The following DCLK2 variants were observed in gnomAD, a reference collection of about 807,000 sequenced individuals.
The protein encoded by DCLK2 is doublecortin like kinase 2.
In DCLK2, 31 loss-of-function variants were observed where a neutral mutation model predicts 78.4. The observed-to-expected ratio is 0.40, with a 90% CI of 0.30 to 0.53. DCLK2 has a LOEUF of 0.53. DCLK2 is among the 20% of genes least tolerant of loss of function. The pLI is 0.61. For missense variants in DCLK2, 872 were observed against 973.7 expected (o/e 0.90, Z 1.39); for synonymous variants, 407 against 374.9 (o/e 1.09, Z -0.99).
chr4:150,174,599 G>A (rs1314705115), intron 2 of DCLK2, among the ~76,000 whole-genome samples: 2 of 152,026 alleles, frequency 1.3e-5, no homozygotes, highest in East Asian at 1.9e-4. Context: ...CGAGGCAGGC[G>A]GATCACGAGG....
intron 15 of DCLK2, among the ~76,000 whole-genome samples, chr4:150,255,054 C>T (rs1487527261): frequency 6.6e-6 from 1 of 152,160 alleles, no homozygotes; most frequent in African/African-American, 2.4e-5. Flanking sequence ...CCCCAGGTGC[C>T]CTGAAGGCCG....
rs143376000 is a variant in DCLK2, at chr4:150,124,570, C to G, written c.756+21758C>G. ...TCATTAAGTTTATTAAACACCTAGT[C>G]TTTTACATTGTATATTTTTGTGGTA... is the stretch of plus-strand genomic sequence containing the variant. On this transcript the variant is annotated intron_variant, in intron 2 of 15. Transcript: ENST00000296550. Among the ~76,000 whole-genome samples the G allele has an allele frequency of 5.8e-3, 878 of 152,226 alleles. 10 individuals are homozygous for G. The highest frequency in any genetic ancestry group is 0.02 in the African/African-American group (834 of 41,548).
intron 4 of DCLK2, among the ~76,000 whole-genome samples, chr4:150,201,377 C>A (rs963948993): frequency 5.9e-5 from 9 of 151,994 alleles, no homozygotes; most frequent in African/African-American, 2.2e-4. Flanking sequence ...TGTCCAGGGC[C>A]CCCATTAGCC....
At chr4:150,115,861 G>A (rs183593928) in intron 2 of DCLK2, among the ~76,000 whole-genome samples, 41 of 152,286 alleles carry the variant, frequency 2.7e-4, no homozygotes, top group African/African-American at 7.9e-4. Flanking sequence ...GTTAAAAACC[G>A]GTCATGGCTA....
intron 4 of DCLK2, among the ~76,000 whole-genome samples, chr4:150,199,888 C>T (rs1739333457): frequency 6.6e-6 from 1 of 152,124 alleles, no homozygotes; most frequent in South Asian, 2.1e-4. Flanking sequence ...ACCTGTGGTC[C>T]CAGCTACTCA....
chr4:150,091,803 GTGTGTA>G (rs1195402649), intron 1 of DCLK2, among the ~76,000 whole-genome samples: 1 of 139,494 alleles, frequency 7.2e-6, no homozygotes, highest in Non-Finnish European at 1.6e-5. Context: ...GTGTGTGTGT[GTGTGTA>G]TTTGTGTTAG....
chr4:150,102,416 T>G, intron 1 of DCLK2, 62 bp from the exon 2 acceptor site: 1 of 1,519,746 alleles, frequency 6.6e-7, no homozygotes, highest in Non-Finnish European at 8.9e-7. Context: ...CATCTGTTCT[T>G]TAGACCAAAT....
intron 15 of DCLK2, among the ~76,000 whole-genome samples, chr4:150,250,564 G>C (rs1380453181): frequency 6.6e-6 from 1 of 151,840 alleles, no homozygotes; most frequent in Non-Finnish European, 1.5e-5. Flanking sequence ...GCTGGAGTTG[G>C]CTGCAGCAGC....
intron 2 of DCLK2, among the ~76,000 whole-genome samples, chr4:150,161,005 AC>A (rs1237463275): frequency 1.3e-5 from 2 of 152,208 alleles, no homozygotes; most frequent in African/African-American, 2.4e-5. Flanking sequence ...AAACAAATAT[AC>A]AAAAACTCAA....
chr4:150,210,935 C>G (rs1380974056), intron 5 of DCLK2, among the ~76,000 whole-genome samples: 1 of 113,032 alleles, frequency 8.8e-6, no homozygotes, highest in African/African-American at 3.5e-5. Flanking sequence ...GTGACAAGAG[C>G]AAGACTCTGT....
intron 2 of DCLK2, among the ~76,000 whole-genome samples, chr4:150,187,072 A>G (rs1738011934): frequency 9.9e-5 from 15 of 152,236 alleles, no homozygotes. Flanking sequence ...ACATTATCTA[A>G]AAAATGTTCG....
intron 2 of DCLK2, among the ~76,000 whole-genome samples, chr4:150,109,738 A>G (rs1471610290): frequency 6.6e-6 from 1 of 152,194 alleles, no homozygotes. Context: ...TGCCTCAAGC[A>G]ATGGAAAATT....
chr4:150,092,882 AG>A (rs1383268791), intron 1 of DCLK2, among the ~76,000 whole-genome samples: 1 of 152,336 alleles, frequency 6.6e-6, no homozygotes, highest in East Asian at 1.9e-4. Flanking sequence ...ATCAAGAACA[AG>A]GCAAGGATGC....
intron 2 of DCLK2, among the ~76,000 whole-genome samples, chr4:150,149,624 C>T (rs1248698486): frequency 6.6e-6 from 1 of 152,178 alleles, no homozygotes; most frequent in Admixed American, 6.5e-5. Context: ...TTTTGCTTAA[C>T]ATTTTGTGAA....
intron 12 of DCLK2, 25 bp from the exon 13 acceptor site, chr4:150,247,578 T>C (rs1431272330): frequency 9.3e-6 from 15 of 1,604,986 alleles, no homozygotes; most frequent in Admixed American, 1.7e-5. Context: ...TTGACTTTTC[T>C]TCCATTTCTT....
At chr4:150,239,953 A>G (rs1742788215) in intron 11 of DCLK2, 78 bp downstream of exon 11, 1 of 1,508,574 alleles carries the variant, frequency 6.6e-7, no homozygotes, top group Admixed American at 2.2e-5. Flanking sequence ...CTGCTTGTGT[A>G]TACAGTTGGT....
intron 2 of DCLK2, among the ~76,000 whole-genome samples, chr4:150,112,091 T>C (rs1338236815): frequency 6.6e-6 from 1 of 152,198 alleles, no homozygotes; most frequent in East Asian, 1.9e-4. Flanking sequence ...TTCCAATCCA[T>C]GAGCATGGTA....
chr4:150,097,105 G>A (rs1015889025), intron 1 of DCLK2, among the ~76,000 whole-genome samples: 7 of 152,068 alleles, frequency 4.6e-5, no homozygotes, highest in African/African-American at 1.7e-4. Context: ...GCGAAAAATG[G>A]GCACAGATGG....
At position 150,204,798 on chromosome 4, in the gene DCLK2, G is replaced by A. The variant is rs556424510; in HGVS notation, c.1056+909G>A. 4.3e-4 allele frequency among the ~76,000 whole-genome samples: 65 copies of A among 152,070 alleles called. No homozygotes were observed. The South Asian group carries it at 0.011, about 26-fold the overall frequency. Reference sequence around the variant, plus strand: ...TCCCAGCTACTCTGTGGGCTGAGGTGGGAGAATCACTTGCACCCAGGAGGC... The same window carrying A: ...TCCCAGCTACTCTGTGGGCTGAGGTAGGAGAATCACTTGCACCCAGGAGGC... On this transcript the variant is annotated intron_variant, in intron 5 of 15. Transcript: ENST00000296550.
Sources: allele counts gnomAD v4.1 joint callset (sites outside exome capture counted in the v4.1 genomes callset), GRCh38; gene constraint gnomAD v4.1.1; transcripts MANE v1.5; gene names NCBI Gene and HGNC (gene_info 2026-07-23, HGNC 2026-07-21).